CA6: variants seen among roughly 807,000 people sequenced by gnomAD.
The protein encoded by CA6 is carbonate dehydratase VI.
Under a neutral mutation model 35.9 loss-of-function variants are expected in CA6, and 28 were observed. The observed-to-expected ratio is 0.78, with a 90% CI of 0.58 to 1.07. The LOEUF is 1.07. CA6 is among the 50% of genes least tolerant of loss of function. CA6 has a pLI of 0.00. For missense variants in CA6, 377 were observed against 382.0 expected, an observed-to-expected ratio of 0.99 and a Z score of 0.11; for synonymous variants, 148 against 152.6, an observed-to-expected ratio of 0.97 and a Z score of 0.22.
intron 4 of CA6, among the ~76,000 whole-genome samples, chr1:8,960,260 GA>G (rs1302833298): frequency 1.3e-5 from 2 of 150,392 alleles, no homozygotes; most frequent in Admixed American, 6.6e-5. Flanking sequence ...GGCATGCAAA[GA>G]AATAGGAAAA....
intron 2 of CA6, chr1:8,951,436 A>G: frequency 1.3e-6 from 1 of 762,564 alleles, no homozygotes; most frequent in Non-Finnish European, 2.4e-6. Flanking sequence ...GGCAGGCGGA[A>G]CTCTTCCTCC....
chr1:8,955,639 C>G (rs76936072), intron 2 of CA6, among the ~76,000 whole-genome samples: 83 of 147,206 alleles, frequency 5.6e-4, no homozygotes, highest in Middle Eastern at 3.4e-3. Flanking sequence ...TAAGGCCCTT[C>G]CACGCCTCCT....
chr1:8,951,613 G>A (rs1354676721), intron 2 of CA6: 3 of 764,906 alleles, frequency 3.9e-6, no homozygotes, highest in East Asian at 2.4e-5. Context: ...AAGAGGGAAG[G>A]CATATGGAAG....
chr1:8,949,048 A>G (rs2124225232), intron 1 of CA6, among the ~76,000 whole-genome samples: 1 of 151,968 alleles, frequency 6.6e-6, no homozygotes, highest in East Asian at 1.9e-4. Context: ...CAGGAAAGTT[A>G]GAGGTTAGCA....
chr1:8,952,422 C>G (rs1639564918), intron 2 of CA6: 1 of 152,042 alleles, frequency 6.6e-6, no homozygotes, highest in South Asian at 2.1e-4. Context: ...TATGCATAAG[C>G]CACCGTGCCC....
chr1:8,974,944 T>C lies in CA6; in HGVS notation c.*240T>C, dbSNP rs1000777549. On this transcript the variant is annotated 3_prime_UTR_variant, in exon 8 of 8. Transcript: ENST00000377443. ...CTGAGTTAGACATCACCAGTGGAAA[T>C]TGATTGGAATAGAAACTTAAAGGAA... 1.1e-5 allele frequency: 4 copies of C among 372,048 alleles called. No homozygotes were observed. Among genetic ancestry groups the C allele is most frequent in the African/African-American group, 6.4e-5 (3 of 46,956 alleles). The allele number at this position is 372,048 out of a possible 1,614,324, so 23.0% of individuals were successfully genotyped here. A position where few individuals can be genotyped will look rare whatever the true frequency, so the allele number is the denominator to read the frequency against.
chr1:8,965,204 G>T (rs564749644), intron 5 of CA6, among the ~76,000 whole-genome samples: 12 of 151,986 alleles, frequency 7.9e-5, no homozygotes, highest in South Asian at 4.2e-4. Context: ...AGATTGTGTC[G>T]CTGCACTCCA....
intron 6 of CA6, among the ~76,000 whole-genome samples, chr1:8,970,321 A>T (rs1314940375): frequency 6.6e-6 from 1 of 152,058 alleles, no homozygotes; most frequent in African/African-American, 2.4e-5. Flanking sequence ...TACTGGACAA[A>T]TACTCATATA....
intron 2 of CA6, among the ~76,000 whole-genome samples, chr1:8,949,737 C>G (rs1365420894): frequency 6.6e-6 from 1 of 152,114 alleles, no homozygotes; most frequent in Non-Finnish European, 1.5e-5. Context: ...CAGGACAGGC[C>G]GTGCTGCTGA....
At chr1:8,950,129 A>G (rs926082635) in intron 2 of CA6, among the ~76,000 whole-genome samples, 12 of 150,918 alleles carry the variant, frequency 8.0e-5, no homozygotes, top group East Asian at 3.9e-4. Flanking sequence ...ACAGGCATGC[A>G]CCACCATGCC....
intron 7 of CA6, chr1:8,974,266 A>G: frequency 1.1e-6 from 1 of 898,888 alleles, no homozygotes; most frequent in Non-Finnish European, 1.6e-6. Context: ...TGAGAAACCA[A>G]GGTCAGTTAC....
intron 2 of CA6, among the ~76,000 whole-genome samples, chr1:8,953,870 A>G (rs1639605501): frequency 6.6e-6 from 1 of 152,172 alleles, no homozygotes; most frequent in African/African-American, 2.4e-5. Context: ...CACAAGATAC[A>G]GGTCATAAAG....
At chr1:8,949,556 G>A in intron 2 of CA6, 114 bp downstream of exon 2, 1 of 895,834 alleles carries the variant, frequency 1.1e-6, no homozygotes, top group Non-Finnish European at 1.7e-6. Flanking sequence ...CACGGCCTCA[G>A]AGCTGGAGGC....
At chr1:8,971,358 C>T (rs996794185) in intron 7 of CA6, among the ~76,000 whole-genome samples, 2 of 149,198 alleles carry the variant, frequency 1.3e-5, no homozygotes, top group African/African-American at 5.0e-5. Flanking sequence ...GTCACCCAGG[C>T]TGGAGTGCAG....
intron 2 of CA6, among the ~76,000 whole-genome samples, chr1:8,955,191 A>C (rs910183158): frequency 2.6e-5 from 4 of 152,146 alleles, no homozygotes; most frequent in African/African-American, 9.7e-5. Flanking sequence ...CCTGGGCAAC[A>C]TGGTGAAATT....
At chr1:8,955,698 G>C (rs1395070635) in intron 2 of CA6, among the ~76,000 whole-genome samples, 1 of 139,090 alleles carries the variant, frequency 7.2e-6, no homozygotes, top group Non-Finnish European at 1.6e-5. Flanking sequence ...TTTGAGGCCA[G>C]CTACATCTCA....
Position 8,962,695 on chromosome 1 carries a change from A to ATGAGTG in CA6, c.571+56_571+61dup, listed in dbSNP as rs567762945. ...ACTGTGGCTGCAGGAGGGAAGGGGA[A>ATGAGTG]TGAGTGTGAGTGTGAGTGTGAGGTG... is the stretch of plus-strand genomic sequence containing the variant. On this transcript the variant is annotated intron_variant, in intron 5 of 7. Coordinates refer to ENST00000377443, the MANE Select transcript of CA6 (RefSeq NM_001215.4). 98 of 1,558,338 alleles carry ATGAGTG rather than the reference A, an allele frequency of 6.3e-5. No homozygotes were observed. In the East Asian group the frequency reaches 1.4e-3, roughly 23 times the overall value.
At chr1:8,965,575 T>C (rs1223542310) in intron 5 of CA6, among the ~76,000 whole-genome samples, 1 of 152,136 alleles carries the variant, frequency 6.6e-6, no homozygotes, top group Non-Finnish European at 1.5e-5. Flanking sequence ...TAGCATGTTA[T>C]CAGAATTTCA....
At chr1:8,967,413 C>T (rs575494220) in intron 5 of CA6, among the ~76,000 whole-genome samples, 12 of 152,240 alleles carry the variant, frequency 7.9e-5, no homozygotes, top group African/African-American at 2.6e-4. Context: ...GAGAAAATGG[C>T]CGCAGGGTGA....
Sources: allele counts gnomAD v4.1 joint callset (sites outside exome capture counted in the v4.1 genomes callset), GRCh38; gene constraint gnomAD v4.1.1; transcripts MANE v1.5; gene names NCBI Gene and HGNC (gene_info 2026-07-23, HGNC 2026-07-21).